Variants in RFX7 observed in about 807,000 individuals in gnomAD.
RFX7 encodes DNA-binding protein RFX7.
In RFX7, 26 loss-of-function variants were observed where a neutral mutation model predicts 111.8. The ratio of observed to expected loss-of-function variants is 0.23; its 90% CI spans 0.17 to 0.32. The LOEUF is 0.32. RFX7 is among the 10% of genes least tolerant of loss of function. The probability of loss-of-function intolerance (pLI) is 1.00; values close to 1 mark genes in which losing one functional copy is unlikely to be tolerated. For synonymous variants in RFX7, 624 were observed against 624.4 expected (o/e 1.00, Z 0.01); for missense variants, 1,573 against 1,772.9 (o/e 0.89, Z 2.02).
chr15:56,243,042 T>TCCCCCCCCCCCCCCCC, intron 2 of RFX7, 83 bp downstream of exon 2: 1 of 543,102 alleles, frequency 1.8e-6, no homozygotes, highest in Non-Finnish European at 3.3e-6. Context: ...CCTCCTCCGC[T>TCCCCCCCCCCCCCCCC]CCCCCCGCCC....
chr15:56,177,231 G>A (rs1312578493), intron 3 of RFX7, among the ~76,000 whole-genome samples: 1 of 151,978 alleles, frequency 6.6e-6, no homozygotes, highest in Non-Finnish European at 1.5e-5. Flanking sequence ...TACTCAGGTC[G>A]GCACTCAAAT....
chr15:56,204,361 G>A (rs2043228903), intron 2 of RFX7, among the ~76,000 whole-genome samples: 1 of 152,008 alleles, frequency 6.6e-6, no homozygotes, highest in South Asian at 2.1e-4. Context: ...GTATCTATTT[G>A]AGAGTGGGTT....
At chr15:56,130,170 AACAG>A (rs1466470816) in intron 5 of RFX7, among the ~76,000 whole-genome samples, 4 of 152,190 alleles carry the variant, frequency 2.6e-5, no homozygotes, top group Non-Finnish European at 5.9e-5. Flanking sequence ...GCAGTGTGTT[AACAG>A]ACAAAAAGAA....
rs918561093 is a variant in RFX7 at position 56,093,148 on chromosome 15, C to G, written c.*197G>C. On this transcript the variant is annotated 3_prime_UTR_variant, in exon 10 of 10. Coordinates refer to ENST00000559447, the MANE Select transcript of RFX7 (RefSeq NM_022841.7). ...AATTTAAAACCTAATACTTGTTCTT[C>G]TACAGCCTACTGTCTTTAGACACTT... 1.3e-5 allele frequency: 7 copies of G among 520,660 alleles called. No individual in the cohort carries two copies. Among genetic ancestry groups the G allele is most frequent in the Non-Finnish European group, 2.0e-5 (6 of 297,470 alleles). 32.3% of individuals were successfully genotyped at this position (520,660 alleles called of 1,614,324 possible). A position where few individuals can be genotyped will look rare whatever the true frequency, so the allele number is the denominator to read the frequency against.
At chr15:56,181,133 A>G (rs1250936300) in intron 2 of RFX7, among the ~76,000 whole-genome samples, 1 of 152,160 alleles carries the variant, frequency 6.6e-6, no homozygotes, top group Non-Finnish European at 1.5e-5. Context: ...AGTATGACCC[A>G]ATCCTCTGCC....
chr15:56,097,269 G>A (rs1469825754), intron 9 of RFX7, among the ~76,000 whole-genome samples: 2 of 152,174 alleles, frequency 1.3e-5, no homozygotes, highest in East Asian at 3.8e-4. Context: ...TGTGAGATAG[G>A]AAAGGAGGAG....
At chr15:56,106,108 C>T (rs1426385861) in intron 5 of RFX7, among the ~76,000 whole-genome samples, 1 of 152,184 alleles carries the variant, frequency 6.6e-6, no homozygotes, top group African/African-American at 2.4e-5. Flanking sequence ...TTTAATGCCT[C>T]ACTGGGCCCA....
At chr15:56,151,290 T>C (rs1233720958) in intron 3 of RFX7, among the ~76,000 whole-genome samples, 1 of 151,866 alleles carries the variant, frequency 6.6e-6, no homozygotes, top group Non-Finnish European at 1.5e-5. Context: ...AAATAAAAAA[T>C]GGTAAGGGCA....
At chr15:56,167,022 G>C (rs551590513) in intron 3 of RFX7, among the ~76,000 whole-genome samples, 10 of 152,264 alleles carry the variant, frequency 6.6e-5, no homozygotes, top group African/African-American at 2.2e-4. Flanking sequence ...AGCAGACTAG[G>C]CCTTTTGTAC....
intron 2 of RFX7, among the ~76,000 whole-genome samples, chr15:56,217,914 C>G (rs1309538870): frequency 6.6e-6 from 1 of 151,988 alleles, no homozygotes; most frequent in Admixed American, 6.6e-5. Flanking sequence ...GGCGAAAACC[C>G]AGCGAGCATT....
At chr15:56,209,737 G>A (rs558311948) in intron 2 of RFX7, among the ~76,000 whole-genome samples, 23 of 152,062 alleles carry the variant, frequency 1.5e-4, no homozygotes, top group African/African-American at 4.3e-4. Context: ...GCAGTATGAC[G>A]TTAACTAAAA....
At chr15:56,188,355 T>C (rs909639559) in intron 2 of RFX7, among the ~76,000 whole-genome samples, 28 of 151,904 alleles carry the variant, frequency 1.8e-4, no homozygotes, top group African/African-American at 6.5e-4. Flanking sequence ...AGAGGAGAGA[T>C]AATGAGACAG....
chr15:56,118,575 T>C (rs572411710), intron 5 of RFX7, among the ~76,000 whole-genome samples: 2 of 152,360 alleles, frequency 1.3e-5, no homozygotes, highest in South Asian at 4.1e-4. Flanking sequence ...TGTGCTACAT[T>C]CTCTTTATCC....
At chr15:56,218,216 G>C (rs138502826) in intron 2 of RFX7, among the ~76,000 whole-genome samples, 2 of 133,236 alleles carry the variant, frequency 1.5e-5, no homozygotes, top group South Asian at 5.2e-4. Flanking sequence ...GTGCAATGGC[G>C]CGTTCTCGGC....
chr15:56,218,826 C>A (rs2043395135), intron 2 of RFX7, among the ~76,000 whole-genome samples: 1 of 152,186 alleles, frequency 6.6e-6, no homozygotes, highest in South Asian at 2.1e-4. Flanking sequence ...GAAACCAGGA[C>A]TGAAATCCAT....
chr15:56,177,798 G>A (rs1316082877), intron 3 of RFX7, among the ~76,000 whole-genome samples: 1 of 152,024 alleles, frequency 6.6e-6, no homozygotes, highest in Non-Finnish European at 1.5e-5. Context: ...TGATAAACAT[G>A]AAATAATTAC....
chr15:56,147,728 C>G (rs562138088), intron 3 of RFX7, among the ~76,000 whole-genome samples: 1 of 152,110 alleles, frequency 6.6e-6, no homozygotes, highest in African/African-American at 2.4e-5. Flanking sequence ...CACCCGCCAC[C>G]AGGCCCAGCC....
At chr15:56,172,389 G>A (rs1827030715) in intron 3 of RFX7, among the ~76,000 whole-genome samples, 1 of 151,920 alleles carries the variant, frequency 6.6e-6, no homozygotes, top group Non-Finnish European at 1.5e-5. Context: ...TTAAATATGG[G>A]GGTAAAATTA....
At chr15:56,111,127 A>AC (rs1262252542) in intron 5 of RFX7, among the ~76,000 whole-genome samples, 9 of 140,010 alleles carry the variant, frequency 6.4e-5, no homozygotes, top group African/African-American at 2.3e-4. Context: ...CTGCCCGGCC[A>AC]CCACCCCGTC....
Sources: gnomAD v4.1 joint callset for allele counts (sites outside exome capture counted in the v4.1 genomes callset) on GRCh38, gnomAD v4.1.1 for gene constraint, MANE v1.5 for transcripts, NCBI Gene and HGNC (gene_info 2026-07-23, HGNC 2026-07-21) for gene names.